Variants in NID2 observed in about 807,000 individuals in gnomAD.
The protein encoded by NID2 is nidogen-2.
NID2 carries 83 observed loss-of-function variants against 145.4 expected under a neutral mutation model. The ratio of observed to expected loss-of-function variants is 0.57; its 90% CI spans 0.48 to 0.69. NID2 has a LOEUF of 0.69. Among genes scored for constraint, NID2 ranks in the 30% least tolerant of loss-of-function variants. NID2 has a pLI of 0.00. For synonymous variants in NID2, 739 were observed against 701.3 expected, an observed-to-expected ratio of 1.05 and a Z score of -0.85; for missense variants, 1,807 against 1,765.7, an observed-to-expected ratio of 1.02 and a Z score of -0.42.
At chr14:52,022,752 C>T (rs1021008397) in intron 12 of NID2, among the ~76,000 whole-genome samples, 2 of 152,208 alleles carry the variant, frequency 1.3e-5, no homozygotes, top group Non-Finnish European at 2.9e-5. Flanking sequence ...CAACATCCTT[C>T]TCACTGCCCA....
chr14:52,011,413 T>A, intron 17 of NID2, 141 bp downstream of exon 17: 1 of 991,100 alleles, frequency 1.0e-6, no homozygotes, highest in Non-Finnish European at 1.5e-6. Context: ...AGGGGGCTAG[T>A]CTTATACAGC....
chr14:52,043,528 C>T (rs1892363971), intron 5 of NID2, among the ~76,000 whole-genome samples: 1 of 152,162 alleles, frequency 6.6e-6, no homozygotes, highest in Non-Finnish European at 1.5e-5. Context: ...TATTAAAATG[C>T]CCTATGCCCT....
rs907185863 is a variant in NID2, at chr14:52,028,762, C to T, written c.2490G>A (p.Arg830=). 6.2e-7 allele frequency: 1 copy of T among 1,614,066 alleles called. No individual in the cohort carries two copies. ...GGTCATCTGCAAACTCATAACCACT[C>T]CGGCACTCACACCTGTAGCTTCCAG... ...NLPGSYRCEC[R]SGYEFADDRH... Residue 830 remains arginine, a synonymous_variant, in exon 11 of 22, where the codon CGG becomes CGA. Coordinates refer to ENST00000216286, the MANE Select transcript of NID2 (RefSeq NM_007361.4).
intron 3 of NID2, among the ~76,000 whole-genome samples, chr14:52,057,716 A>T (rs1424479357): frequency 1.3e-5 from 2 of 150,422 alleles, no homozygotes; most frequent in Non-Finnish European, 1.5e-5. Context: ...AAAAAAAAAA[A>T]AAAAAAAAAA....
intron 16 of NID2, chr14:52,012,043 T>TAAAA (rs3030364): frequency 1.5e-3 from 220 of 148,640 alleles, no homozygotes; most frequent in Middle Eastern, 3.3e-3. Flanking sequence ...ACTGATGATT[T>TAAAA]AAAAAAAAAA....
At chr14:52,038,622 T>C in intron 9 of NID2, 125 bp downstream of exon 9, 1 of 673,042 alleles carries the variant, frequency 1.5e-6, no homozygotes, top group Non-Finnish European at 2.4e-6. Context: ...ATCTGCTCTA[T>C]TCATCCTTAT....
intron 20 of NID2, 81 bp from the exon 21 acceptor site, chr14:52,005,930 C>CAAT: frequency 1.9e-6 from 2 of 1,072,798 alleles, no homozygotes; most frequent in South Asian, 2.6e-5. Context: ...AAATCAGTTG[C>CAAT]AATAGAGGAA....
rs570829324 is a variant in NID2, at chr14:52,032,507, T to A, written c.2258-2817A>T. 1.1e-4 allele frequency among the ~76,000 whole-genome samples: 17 copies of A among 152,212 alleles called. No homozygotes were observed. In the South Asian group the frequency reaches 3.5e-3, roughly 32 times the overall value. Reference sequence around the variant, plus strand: ...AGCCTAGACCAGGTTCCTGAGTCAGTCCTCAATAGGTTATAACTAAGGACA... The same window carrying A: ...AGCCTAGACCAGGTTCCTGAGTCAGACCTCAATAGGTTATAACTAAGGACA... On this transcript the variant is annotated intron_variant, in intron 9 of 21. Transcript: ENST00000216286.
In NID2 at chr14:52,067,943, AAGCGCGCAGAGCGCGGGAAGCC is replaced by A. The variant is rs1292165388; in HGVS notation, c.427_448del (p.Gly143LeufsTer14). The A allele has an allele frequency of 1.9e-6, 3 of 1,611,746 alleles. No homozygotes were observed. The highest frequency in any genetic ancestry group is 2.7e-5 in the African/African-American group (2 of 74,740). ...GGCCAGGAAGGCGTGGGTGGGGGTA[AAGCGCGCAGAGCGCGGGAAGCC>A]AGCGCGCACATAGCGGGCGGCCAGG... On this transcript the variant is annotated frameshift_variant, in exon 2 of 22. Transcript: ENST00000216286. LOFTEE classifies it high-confidence loss of function.
At position 52,040,813 on chromosome 14, in the gene NID2, G is replaced by A. The variant is rs778736009; in HGVS notation, c.1864C>T (p.Pro622Ser). 13 of 1,614,152 alleles carry A rather than the reference G, an allele frequency of 8.1e-6. No homozygotes were observed. Among genetic ancestry groups the A allele is most frequent in the South Asian group, 1.1e-5 (1 of 91,070 alleles). Residue 622 changes from proline to serine, a missense_variant, in exon 8 of 22, where the codon CCG (proline) becomes TCG (serine). Transcript: ENST00000216286. ...GTGATACGAACCGTCTCCTCTCCCG[G>A]GTAGAATGTAACTTCCATGTCATGG... ...FTHDMEVTFY[P>S]GEETVRITQT... is the part of the protein sequence containing the mutation.
intron 5 of NID2, among the ~76,000 whole-genome samples, chr14:52,045,502 A>T (rs1377302176): frequency 6.6e-6 from 1 of 152,142 alleles, no homozygotes; most frequent in Non-Finnish European, 1.5e-5. Context: ...TATTTAAACA[A>T]GAAAGTGACA....
Position 52,067,954 on chromosome 14 carries a change from G to C in NID2, c.438C>G (p.Arg146=). ...CGTGGGTGGGGGTAAAGCGCGCAGA[G>C]CGCGGGAAGCCAGCGCGCACATAGC... is the stretch of plus-strand genomic sequence containing the variant. ...AARYVRAGFP[R]SARFTPTHAF... Residue 146 remains arginine (R), a synonymous_variant, in exon 2 of 22, where the codon CGC becomes CGG. Coordinates refer to ENST00000216286, the MANE Select transcript of NID2 (RefSeq NM_007361.4). The C allele has an allele frequency of 6.2e-7, 1 of 1,611,556 alleles. No homozygotes were observed. Among genetic ancestry groups the C allele is most frequent in the Non-Finnish European group, 8.5e-7 (1 of 1,179,116 alleles).
chr14:52,034,350 C>A (rs1047808988), intron 9 of NID2, among the ~76,000 whole-genome samples: 1 of 152,154 alleles, frequency 6.6e-6, no homozygotes, highest in African/African-American at 2.4e-5. Context: ...ATGCCTACAC[C>A]CAACACAGGG....
intron 6 of NID2, 150 bp from the exon 7 acceptor site, chr14:52,042,500 A>G: frequency 9.3e-7 from 1 of 1,071,042 alleles, no homozygotes; most frequent in African/African-American, 1.6e-5. Context: ...TCCATCTATG[A>G]AACAGTCCTG....
Position 52,005,455 on chromosome 14 carries a change from A to T in NID2, c.*31T>A, listed in dbSNP as rs191259770. On this transcript the variant is annotated 3_prime_UTR_variant, in exon 22 of 22. Coordinates refer to ENST00000216286, the MANE Select transcript of NID2 (RefSeq NM_007361.4). ...TCTTTAGGGTCCAGGTTCTGATTGT[A>T]AACTCCAAGTCTTCCTTTACATTAC... 1.3e-6 allele frequency: 2 copies of T among 1,567,620 alleles called. No individual in the cohort carries two copies. Among genetic ancestry groups the T allele is most frequent in the Admixed American group, 3.9e-5 (2 of 51,052 alleles).
At chr14:52,017,609 C>T (rs1225064137) in intron 14 of NID2, among the ~76,000 whole-genome samples, 1 of 151,912 alleles carries the variant, frequency 6.6e-6, no homozygotes, top group East Asian at 1.9e-4. Flanking sequence ...CTGAACCATT[C>T]CCCAAAGGCA....
intron 2 of NID2, among the ~76,000 whole-genome samples, chr14:52,067,047 C>A (rs1330225441): frequency 6.6e-6 from 1 of 152,162 alleles, no homozygotes; most frequent in Non-Finnish European, 1.5e-5. Flanking sequence ...TTATCAAGAA[C>A]TTTATCAAAA....
intron 17 of NID2, among the ~76,000 whole-genome samples, chr14:52,011,335 C>A (rs1455534530): frequency 6.6e-6 from 1 of 152,156 alleles, no homozygotes; most frequent in African/African-American, 2.4e-5. Context: ...ACCATGAATT[C>A]TTTTAAGAAG....
Position 52,019,231 on chromosome 14 carries a change from T to G in NID2, c.2858A>C (p.Tyr953Ser), listed in dbSNP as rs530969304. ...GGGGATGTGGAACCGGGCCCCAGGG[T>G]AGGCATACTGGGCCTGGGCATGGCG... ...QQRHAQAQYA[Y>S]PGARFHIPQC... The change falls in exon 14 of 22, where the codon TAC (tyrosine) becomes TCC (serine). Residue 953 changes from tyrosine (Y) to serine (S), a missense_variant. Tyr to Ser is a moderately radical substitution (Grantham distance 144). Coordinates refer to ENST00000216286, the MANE Select transcript of NID2 (RefSeq NM_007361.4). 1.1e-4 allele frequency: 172 copies of G among 1,612,320 alleles called. 4 individuals are homozygous for G. The South Asian group carries it at 1.9e-3, about 17-fold the overall frequency.
Sources: gnomAD v4.1 joint callset for allele counts (sites outside exome capture counted in the v4.1 genomes callset) on GRCh38, gnomAD v4.1.1 for gene constraint, MANE v1.5 for transcripts, NCBI Gene and HGNC (gene_info 2026-07-23, HGNC 2026-07-21) for gene names.